LPCAT1: variants seen among roughly 807,000 people sequenced by gnomAD.
The protein encoded by LPCAT1 is lysophosphatidylcholine acyltransferase 1.
LPCAT1 carries 23 observed loss-of-function variants against 60.9 expected under a neutral mutation model. The observed-to-expected ratio is 0.38, with a 90% CI of 0.27 to 0.53. LPCAT1 has a LOEUF of 0.53. Ranked by LOEUF, LPCAT1 falls within the 20% of genes least tolerant of loss-of-function variation. LPCAT1 has a pLI of 0.82. For synonymous variants in LPCAT1, 340 were observed against 301.1 expected, an observed-to-expected ratio of 1.13 and a Z score of -1.34; for missense variants, 622 against 723.6, an observed-to-expected ratio of 0.86 and a Z score of 1.61.
chr5:1,513,407 G>A (rs190112362), intron 1 of LPCAT1, among the ~76,000 whole-genome samples: 11 of 152,262 alleles, frequency 7.2e-5, no homozygotes, highest in Admixed American at 4.6e-4. Context: ...TGGTGACCCC[G>A]AGGGCTCAGC....
rs772719564 is a variant in LPCAT1, at chr5:1,483,532, G to A, written c.668-46C>T. ...GTGTTGCCCATGGCAGCCCACGCAGGACAGCGTCTGCTGCGTTTCTCATGC... is the reference window on the plus strand; with the variant it reads ...GTGTTGCCCATGGCAGCCCACGCAGAACAGCGTCTGCTGCGTTTCTCATGC... On this transcript the variant is annotated intron_variant, in intron 5 of 13. Coordinates refer to ENST00000283415, the MANE Select transcript of LPCAT1 (RefSeq NM_024830.5). The surrounding 1 kb of genome is among the most constrained non-coding windows in gnomAD (Gnocchi z 9.2). The A allele has an allele frequency of 1.0e-5, 16 of 1,586,656 alleles. No homozygotes were observed. The highest frequency in any genetic ancestry group is 1.4e-5 in the Non-Finnish European group (16 of 1,156,652).
At chr5:1,467,807 G>A (rs1291762021) in intron 12 of LPCAT1, among the ~76,000 whole-genome samples, 2 of 152,246 alleles carry the variant, frequency 1.3e-5, no homozygotes, top group East Asian at 1.9e-4. Flanking sequence ...GGCTCCCTCA[G>A]ATGGGCCAGC....
chr5:1,465,479 A>AC (rs397741690), intron 13 of LPCAT1, among the ~76,000 whole-genome samples: 3 of 146,740 alleles, frequency 2.0e-5, no homozygotes, highest in Non-Finnish European at 3.0e-5. Context: ...ATGCACACAC[A>AC]AAACAAGCGC....
chr5:1,501,689 A>G, intron 1 of LPCAT1, 86 bp from the exon 2 acceptor site: 2 of 1,369,066 alleles, frequency 1.5e-6, no homozygotes, highest in South Asian at 1.2e-5. Flanking sequence ...CCAGGGGGAC[A>G]GCGCGCCCCA....
chr5:1,466,131 G>A (rs1734390317), intron 13 of LPCAT1, among the ~76,000 whole-genome samples: 1 of 152,248 alleles, frequency 6.6e-6, no homozygotes, highest in African/African-American at 2.4e-5. Flanking sequence ...ATGCAGCGTA[G>A]CTCATTCACA....
chr5:1,465,241 G>A (rs1233070989), intron 13 of LPCAT1, among the ~76,000 whole-genome samples: 2 of 138,780 alleles, frequency 1.4e-5, no homozygotes, highest in South Asian at 2.3e-4. Flanking sequence ...ACAAGCACAC[G>A]CACACAGCAA....
chr5:1,492,718 C>T (rs370909307), intron 3 of LPCAT1, among the ~76,000 whole-genome samples: 9 of 152,184 alleles, frequency 5.9e-5, no homozygotes, highest in Non-Finnish European at 1.0e-4. Context: ...GGTGGAATCC[C>T]GGGCCTCTAG....
chr5:1,471,567 G>A (rs2126491681), intron 11 of LPCAT1, among the ~76,000 whole-genome samples: 1 of 152,350 alleles, frequency 6.6e-6, no homozygotes, highest in Non-Finnish European at 1.5e-5. Flanking sequence ...GTCAGGGCGG[G>A]AGGAGGTGAG....
In LPCAT1 at chr5:1,488,461, G is replaced by C. The variant is rs1016280896; in HGVS notation, c.607-10C>G. 6.3e-7 allele frequency: 1 copy of C among 1,579,856 alleles called. No individual in the cohort carries two copies. Among genetic ancestry groups the C allele is most frequent in the Admixed American group, 1.8e-5 (1 of 55,532 alleles). ...CTGGAAAAATCATTATCTGGAAGTG[G>C]GAGAAAGAAAAGGATCAGCATTAAA... On this transcript the variant is annotated splice_polypyrimidine_tract_variant and intron_variant, in intron 4 of 13. Coordinates refer to ENST00000283415, the MANE Select transcript of LPCAT1 (RefSeq NM_024830.5).
chr5:1,519,470 G>A (rs896262928), intron 1 of LPCAT1, among the ~76,000 whole-genome samples: 6 of 152,202 alleles, frequency 3.9e-5, no homozygotes, highest in African/African-American at 7.2e-5. Context: ...TAAGTTTCAC[G>A]AGTGCGTCAT....
Position 1,483,420 on chromosome 5 carries a change from C to T in LPCAT1, c.726+8G>A, listed in dbSNP as rs755347199. 1.2e-6 allele frequency: 2 copies of T among 1,613,734 alleles called. No homozygotes were observed. Among genetic ancestry groups the T allele is most frequent in the East Asian group, 4.5e-5 (2 of 44,886 alleles). On this transcript the variant is annotated splice_region_variant and intron_variant, in intron 6 of 13. Transcript: ENST00000283415. The surrounding 1 kb of genome is among the most constrained non-coding windows in gnomAD (Gnocchi z 9.2). ...CCTGGAAGCTGACCCCAAAAAAACA[C>T]AACTCACCAGTTTATTTGGATATCG... is the stretch of plus-strand genomic sequence containing the variant.
chr5:1,493,491 C>G (rs1448042540), intron 3 of LPCAT1, among the ~76,000 whole-genome samples: 1 of 152,264 alleles, frequency 6.6e-6, no homozygotes, highest in Admixed American at 6.5e-5. Flanking sequence ...GGAAACAGAG[C>G]CGGCAGGAGT....
At position 1,481,012 on chromosome 5, in the gene LPCAT1, C is replaced by G. The variant is rs200297697; in HGVS notation, c.727-36G>C. ...AGAGGCAGGGTCAGTCAGCATGGGG[C>G]CTGCACCCAGGGCCTGCACCAAGCA... On this transcript the variant is annotated intron_variant, in intron 6 of 13. Transcript: ENST00000283415. This position sits in a 1 kb window ranked among gnomAD's most constrained non-coding sequence, Gnocchi z 7.8. The G allele has an allele frequency of 1.1e-5, 17 of 1,607,314 alleles. No individual in the cohort carries two copies. Among genetic ancestry groups the G allele is most frequent in the Middle Eastern group, 3.3e-4 (2 of 6,030 alleles).
At position 1,462,640 on chromosome 5, in the gene LPCAT1, G is replaced by A. The variant is rs1411369263; in HGVS notation, c.*1011C>T. 6.6e-6 allele frequency: 1 copy of A among 152,308 alleles called. No individual in the cohort carries two copies. The highest frequency in any genetic ancestry group is 1.5e-5 in the Non-Finnish European group (1 of 68,064). The allele number at this position is 152,308 out of a possible 1,614,324, so 9.4% of individuals were successfully genotyped here. On this transcript the variant is annotated 3_prime_UTR_variant, in exon 14 of 14. Coordinates refer to ENST00000283415, the MANE Select transcript of LPCAT1 (RefSeq NM_024830.5). ...GTGACGCCAGTCACCATGGAAACCA[G>A]GGCTGACAGGAAGATGCAGCCGCTT...
At chr5:1,468,737 G>A (rs928745842) in intron 12 of LPCAT1, among the ~76,000 whole-genome samples, 7 of 152,248 alleles carry the variant, frequency 4.6e-5, no homozygotes, top group Admixed American at 3.3e-4. Flanking sequence ...ACATCGGTGC[G>A]CTGCGCATCC....
chr5:1,515,344 C>T (rs1736474968), intron 1 of LPCAT1, among the ~76,000 whole-genome samples: 1 of 151,938 alleles, frequency 6.6e-6, no homozygotes, highest in Non-Finnish European at 1.5e-5. Context: ...GCTGCAGATA[C>T]AGGGAGCCCC....
At chr5:1,512,679 A>T (rs1255446446) in intron 1 of LPCAT1, among the ~76,000 whole-genome samples, 3 of 152,218 alleles carry the variant, frequency 2.0e-5, no homozygotes, top group Non-Finnish European at 4.4e-5. Context: ...TCTTCCTCCC[A>T]TCGGGGGGCT....
At position 1,474,083 on chromosome 5, in the gene LPCAT1, A is replaced by C; in HGVS notation, c.1053T>G (p.Asp351Glu). The change falls in exon 11 of 14, where the codon GAT (aspartate) becomes GAG (glutamate). Residue 351 changes from aspartate (D) to glutamate (E), a missense_variant. Physicochemically the swap from Asp to Glu is conservative, Grantham distance 45. This residue lies in a region of LPCAT1 where 288 missense variants were observed against 283.6 expected (regional missense o/e 1.02). Transcript: ENST00000283415. ...LGLKPEKLEK[D>E]LDRYSERARM... ...TGGCTCTTTCTGAGTATCTGTCCAGATCTTTTTCAAGCTTTTCTGGTTTTA... is the reference window on the plus strand; with the variant it reads ...TGGCTCTTTCTGAGTATCTGTCCAGCTCTTTTTCAAGCTTTTCTGGTTTTA... 1 of 1,613,558 alleles carries C rather than the reference A, an allele frequency of 6.2e-7. No individual in the cohort carries two copies. Among genetic ancestry groups the C allele is most frequent in the African/African-American group, 1.3e-5 (1 of 75,034 alleles).
chr5:1,501,739 G>T, intron 1 of LPCAT1, 136 bp from the exon 2 acceptor site: 1 of 827,252 alleles, frequency 1.2e-6, no homozygotes, highest in Non-Finnish European at 1.9e-6. Flanking sequence ...CTGGCACACA[G>T]CTGACCAAGG....
Sources: gnomAD v4.1 joint callset for allele counts (sites outside exome capture counted in the v4.1 genomes callset) on GRCh38, gnomAD v4.1.1 for gene constraint, gnomAD v4.1.1 regional missense constraint, Gnocchi (gnomAD v3.1) non-coding constraint, MANE v1.5 for transcripts, NCBI Gene and HGNC (gene_info 2026-07-23, HGNC 2026-07-21) for gene names.